The following NDRG1 variants were observed in gnomAD, a reference collection of about 807,000 sequenced individuals.
The protein encoded by NDRG1 is protein NDRG1.
NDRG1 carries 32 observed loss-of-function variants against 56.9 expected under a neutral mutation model. That is an observed-to-expected ratio of 0.56 (90% CI 0.42 to 0.76). NDRG1 has a LOEUF of 0.76. Ranked by LOEUF, NDRG1 falls within the 30% of genes least tolerant of loss-of-function variation. The probability of loss-of-function intolerance (pLI) is 0.00; values close to 1 mark genes in which losing one functional copy is unlikely to be tolerated. For missense variants in NDRG1, 507 were observed against 545.7 expected (o/e 0.93, Z 0.71); for synonymous variants, 211 against 204.1 (o/e 1.03, Z -0.29).
At chr8:133,259,038 A>G in intron 6 of NDRG1, 130 bp downstream of exon 6, 1 of 902,484 alleles carries the variant, frequency 1.1e-6, no homozygotes, top group Non-Finnish European at 1.9e-6. Flanking sequence ...GTGACGAGCT[A>G]ATTTCTTGCC....
At chr8:133,241,775 A>C in intron 15 of NDRG1, 1 of 591,342 alleles carries the variant, frequency 1.7e-6, no homozygotes, top group Non-Finnish European at 3.0e-6. Context: ...CCTCATCTAA[A>C]CCCCCCAAAA....
At position 133,238,971 on chromosome 8, in the gene NDRG1, C is replaced by G. The variant is rs578199680; in HGVS notation, c.1092G>C (p.Ser364=). ...SHTSEGTRSR[S]HTSEGAHLDI... is the part of the protein sequence containing the mutation. ...CCAGGTGGGCCCCCTCGCTGGTGTG[C>G]GAGCGGCTGCGGGTGCCCTCGCTGG... The change falls in exon 16 of 16, where the codon TCG becomes TCC. Residue 364 remains serine, a synonymous_variant. Coordinates refer to ENST00000323851, the MANE Select transcript of NDRG1 (RefSeq NM_006096.4). 4.4e-6 allele frequency: 7 copies of G among 1,587,156 alleles called. No homozygotes were observed. Among genetic ancestry groups the G allele is most frequent in the East Asian group, 2.3e-5 (1 of 43,920 alleles).
chr8:133,295,253 G>A (rs976403947), intron 1 of NDRG1, among the ~76,000 whole-genome samples: 2 of 152,228 alleles, frequency 1.3e-5, no homozygotes, highest in Admixed American at 1.3e-4. Flanking sequence ...CATCCCATGT[G>A]CATATTTCAA....
chr8:133,287,945 G>GCACACACACA (rs61430539), intron 1 of NDRG1, among the ~76,000 whole-genome samples: 7 of 149,132 alleles, frequency 4.7e-5, no homozygotes, highest in Admixed American at 1.3e-4. Context: ...GTGCACACAC[G>GCACACACACA]CACACACACA....
chr8:133,252,988 G>C (rs1856158131), intron 9 of NDRG1, among the ~76,000 whole-genome samples: 2 of 152,234 alleles, frequency 1.3e-5, no homozygotes, highest in African/African-American at 4.8e-5. Context: ...AGTGGAGGCT[G>C]TGTCCCCAGG....
In NDRG1 at chr8:133,239,025, G is replaced by A; in HGVS notation, c.1038C>T (p.Thr346=). 1 of 1,598,608 alleles carries A rather than the reference G, an allele frequency of 6.3e-7. No individual in the cohort carries two copies. The highest frequency in any genetic ancestry group is 8.5e-7 in the Non-Finnish European group (1 of 1,174,168). The change falls in exon 16 of 16, where the codon ACC becomes ACT. Residue 346 remains threonine, a synonymous_variant. Coordinates refer to ENST00000323851, the MANE Select transcript of NDRG1 (RefSeq NM_006096.4). ...GGGAGCGGCTTCGGGTGCCCTCGCTGGTGTGGGAGCGGCTGCGGGTGCCAT... is the reference window on the plus strand; with the variant it reads ...GGGAGCGGCTTCGGGTGCCCTCGCTAGTGTGGGAGCGGCTGCGGGTGCCAT... ...SLDGTRSRSH[T]SEGTRSRSHT...
chr8:133,289,096 T>G (rs558141324), intron 1 of NDRG1, among the ~76,000 whole-genome samples: 35 of 152,316 alleles, frequency 2.3e-4, no homozygotes, highest in African/African-American at 7.7e-4. Context: ...TCTTGTTTTT[T>G]AGAGAGACAG....
intron 2 of NDRG1, chr8:133,280,899 C>T (rs117989074): frequency 0.021 from 3,274 of 152,774 alleles, 56 homozygotes; most frequent in Non-Finnish European, 0.032. Context: ...CTGGTCTCCC[C>T]GGCTCCACCC....
intron 12 of NDRG1, 91 bp from the exon 13 acceptor site, chr8:133,246,754 G>A (rs562972277): frequency 3.4e-6 from 4 of 1,160,486 alleles, no homozygotes; most frequent in Non-Finnish European, 5.2e-6. Context: ...ACCGTCACCA[G>A]AAACTCCAGT....
chr8:133,238,139 C>T lies in NDRG1; in HGVS notation c.*739G>A, dbSNP rs983142607. Reference sequence around the variant, plus strand: ...ACTAAAGCCTTCAAAAACCATGATGCCCAACGTTTGCTGAAATATTTTTGT... The same window carrying T: ...ACTAAAGCCTTCAAAAACCATGATGTCCAACGTTTGCTGAAATATTTTTGT... On this transcript the variant is annotated 3_prime_UTR_variant, in exon 16 of 16. Coordinates refer to ENST00000323851, the MANE Select transcript of NDRG1 (RefSeq NM_006096.4). 2.1e-5 allele frequency: 5 copies of T among 233,004 alleles called. No homozygotes were observed. Among genetic ancestry groups the T allele is most frequent in the African/African-American group, 1.1e-4 (5 of 45,312 alleles). 14.4% of individuals were successfully genotyped at this position (233,004 alleles called of 1,614,324 possible). A position where few individuals can be genotyped will look rare whatever the true frequency, so the allele number is the denominator to read the frequency against.
chr8:133,280,294 A>G lies in NDRG1; in HGVS notation c.64-27T>C, dbSNP rs747178769. 7 of 1,611,988 alleles carry G rather than the reference A, an allele frequency of 4.3e-6. No individual in the cohort carries two copies. In the South Asian group the frequency reaches 6.6e-5, roughly 15 times the overall value. On this transcript the variant is annotated intron_variant, in intron 2 of 15. Coordinates refer to ENST00000323851, the MANE Select transcript of NDRG1 (RefSeq NM_006096.4). ...TGTGAAAAGACAAAAAAAATTGTCA[A>G]TTTCATCTGTTTTCTCTGTAAGAGA...
intron 2 of NDRG1, among the ~76,000 whole-genome samples, chr8:133,283,030 T>C (rs769023401): frequency 3.3e-5 from 5 of 152,258 alleles, no homozygotes; most frequent in Middle Eastern, 3.2e-3. Flanking sequence ...TATGAAATTA[T>C]GAACCTAAAA....
intron 3 of NDRG1, 137 bp from the exon 4 acceptor site, chr8:133,264,789 C>A (rs987236812): frequency 2.7e-6 from 2 of 745,806 alleles, no homozygotes; most frequent in East Asian, 5.4e-5. Context: ...CGGCTTCGGG[C>A]AGCAGCTCTC....
chr8:133,259,251 C>A, intron 5 of NDRG1, 21 bp from the exon 6 acceptor site: 1 of 1,613,324 alleles, frequency 6.2e-7, no homozygotes, highest in Non-Finnish European at 8.5e-7. Context: ...CACAGAGAAG[C>A]CATTAGTGAG....
At position 133,250,494 on chromosome 8, in the gene NDRG1, A is replaced by G. The variant is rs1855953495; in HGVS notation, c.644T>C (p.Ile215Thr). The change falls in exon 10 of 16, where the codon ATT becomes ACT. Residue 215 changes from isoleucine to threonine, a missense_variant. Physicochemically the swap from Ile to Thr is moderately conservative, Grantham distance 89. Transcript: ENST00000323851. ...GTTGCCGGGGTTCATGTCATTCACA[A>G]TGTGCTGGCGGTAGGTGTGGACCAC... ...VEVVHTYRQH[I>T]VNDMNPGNLH... 1 of 1,614,058 alleles carries G rather than the reference A, an allele frequency of 6.2e-7. No individual in the cohort carries two copies. Among genetic ancestry groups the G allele is most frequent in the African/African-American group, 1.3e-5 (1 of 74,986 alleles).
rs143853150 is a variant in NDRG1, at chr8:133,259,118, G to T, written c.389+50C>A. 3.3e-5 allele frequency: 52 copies of T among 1,590,298 alleles called. No individual in the cohort carries two copies. The East Asian group carries it at 1.2e-3, about 36-fold the overall frequency. On this transcript the variant is annotated intron_variant, in intron 6 of 15. Transcript: ENST00000323851. ...AAAGCCAAGGGGCAGGAAGATGCTA[G>T]AAACCAGGCTTCTCTGCAGACAGAG...
chr8:133,261,558 A>C (rs1283309384), intron 5 of NDRG1, among the ~76,000 whole-genome samples: 1 of 152,236 alleles, frequency 6.6e-6, no homozygotes, highest in Non-Finnish European at 1.5e-5. Context: ...TTAGACACAA[A>C]TGATGAAGCC....
In NDRG1 at chr8:133,248,708, C is replaced by T; in HGVS notation, c.755+7G>A. On this transcript the variant is annotated splice_region_variant and intron_variant, in intron 11 of 15. Coordinates refer to ENST00000323851, the MANE Select transcript of NDRG1 (RefSeq NM_006096.4). ...TGCAAGTGCTGGGGGAGAGAAAAGC[C>T]ACTCACTGCAGGGTGACTGTGTGGG... The T allele has an allele frequency of 6.2e-7, 1 of 1,614,186 alleles. No individual in the cohort carries two copies.
At chr8:133,261,551 G>A (rs941765455) in intron 5 of NDRG1, among the ~76,000 whole-genome samples, 6 of 152,216 alleles carry the variant, frequency 3.9e-5, no homozygotes, top group Non-Finnish European at 7.3e-5. Context: ...CCCAGTGTTA[G>A]ACACAAATGA....
Sources: allele counts gnomAD v4.1 joint callset (sites outside exome capture counted in the v4.1 genomes callset), GRCh38; gene constraint gnomAD v4.1.1; transcripts MANE v1.5; gene names NCBI Gene and HGNC (gene_info 2026-07-23, HGNC 2026-07-21).